Variants in COL25A1 observed in about 807,000 individuals in gnomAD.
COL25A1 encodes the protein collagen type XXV alpha 1 chain.
A neutral mutation model predicts 128.4 loss-of-function variants in COL25A1; 103 were observed. The ratio of observed to expected loss-of-function variants is 0.80; its 90% confidence interval spans 0.68 to 0.94. The LOEUF is 0.94. COL25A1 is among the 40% of genes least tolerant of loss of function. The pLI is 0.00. For synonymous variants in COL25A1, 279 were observed against 277.2 expected, an observed-to-expected ratio of 1.01 and a Z score of -0.06; for missense variants, 745 against 840.0, an observed-to-expected ratio of 0.89 and a Z score of 1.40.
Position 108,884,226 on chromosome 4 carries a change from C to T in COL25A1, c.976-4G>A. 1.2e-6 allele frequency: 2 copies of T among 1,613,042 alleles called. No homozygotes were observed. The highest frequency in any genetic ancestry group is 1.1e-5 in the South Asian group (1 of 91,052). ...GCCCAGGAAGCCCTGGTTCACCCTA[C>T]ACAGGAAAATCATATAGCATTATAG... is the stretch of plus-strand genomic sequence containing the variant. On this transcript the variant is annotated splice_polypyrimidine_tract_variant and splice_region_variant and intron_variant, in intron 18 of 37. Coordinates refer to ENST00000399132, the MANE Select transcript of COL25A1 (RefSeq NM_198721.4).
intron 19 of COL25A1, among the ~76,000 whole-genome samples, chr4:108,873,918 T>C (rs1221243732): frequency 2.9e-5 from 3 of 102,808 alleles, no homozygotes; most frequent in South Asian, 5.4e-4. Context: ...ATGAATGTAA[T>C]CTTAAAAAAA....
intron 3 of COL25A1, among the ~76,000 whole-genome samples, chr4:109,169,208 A>C (rs995895510): frequency 2.0e-5 from 3 of 152,152 alleles, no homozygotes; most frequent in African/African-American, 7.2e-5. Context: ...TTTTCTGCCC[A>C]TATGTGCTCC....
At chr4:108,815,122 A>G (rs1046566237) in intron 37 of COL25A1, among the ~76,000 whole-genome samples, 1 of 152,154 alleles carries the variant, frequency 6.6e-6, no homozygotes, top group African/African-American at 2.4e-5. Context: ...AAATGGAACT[A>G]TATCTAGAAA....
intron 3 of COL25A1, among the ~76,000 whole-genome samples, chr4:109,089,259 C>T (rs1418384898): frequency 6.6e-6 from 1 of 152,220 alleles, no homozygotes; most frequent in East Asian, 1.9e-4. Context: ...GCAAAATGAT[C>T]AGGTTATTTC....
At chr4:108,901,738 T>C (rs1221177146) in intron 13 of COL25A1, among the ~76,000 whole-genome samples, 3 of 152,122 alleles carry the variant, frequency 2.0e-5, no homozygotes, top group Non-Finnish European at 4.4e-5. Flanking sequence ...GAATAAAACA[T>C]TCAGACTTAT....
intron 26 of COL25A1, 108 bp downstream of exon 26, chr4:108,852,128 C>T: frequency 1.2e-6 from 1 of 859,012 alleles, no homozygotes; most frequent in Non-Finnish European, 1.9e-6. Flanking sequence ...TACTGTTGAT[C>T]TCAGCTTCTT....
chr4:109,250,189 T>C (rs186228462), intron 3 of COL25A1, among the ~76,000 whole-genome samples: 1 of 152,278 alleles, frequency 6.6e-6, no homozygotes, highest in East Asian at 1.9e-4. Flanking sequence ...GTCAGCTTGA[T>C]AGATTTGCTA....
At chr4:109,171,405 G>C (rs1305802064) in intron 3 of COL25A1, among the ~76,000 whole-genome samples, 1 of 152,144 alleles carries the variant, frequency 6.6e-6, no homozygotes, top group Non-Finnish European at 1.5e-5. Context: ...GGTCATGAGG[G>C]TGGAATTCAC....
chr4:109,001,796 A>G (rs1755440274), intron 6 of COL25A1, among the ~76,000 whole-genome samples: 1 of 152,178 alleles, frequency 6.6e-6, no homozygotes, highest in Admixed American at 6.5e-5. Context: ...CCAGAGCAGG[A>G]TTTGCAGGTG....
chr4:108,827,137 G>A lies in COL25A1; in HGVS notation c.1762C>T (p.Pro588Ser). 6.2e-7 allele frequency: 1 copy of A among 1,613,610 alleles called. No homozygotes were observed. Residue 588 changes from proline (P) to serine (S), a missense_variant and splice_region_variant, in exon 33 of 38, where the codon CCT becomes TCT. Physicochemically the swap from Pro to Ser is moderately conservative, Grantham distance 74. Coordinates refer to ENST00000399132, the MANE Select transcript of COL25A1 (RefSeq NM_198721.4). ...EPGPRGPYGL[P>S]GKDGEPGLDG... ...GGTGCATGTGACCAGGAACTCACAG[G>A]CAGCCCATAGGGCCCTCTTGGTCCA...
At chr4:108,931,915 C>T (rs1339333924) in intron 11 of COL25A1, among the ~76,000 whole-genome samples, 3 of 152,196 alleles carry the variant, frequency 2.0e-5, no homozygotes, top group African/African-American at 7.2e-5. Context: ...GCTGATAAAG[C>T]ATTAGAATGG....
intron 3 of COL25A1, among the ~76,000 whole-genome samples, chr4:109,195,667 A>G (rs1008344252): frequency 3.9e-5 from 6 of 152,100 alleles, no homozygotes; most frequent in African/African-American, 1.2e-4. Flanking sequence ...ACTAAAATGT[A>G]CTCTTTCCCA....
At chr4:109,057,964 A>T (rs1761603806) in intron 3 of COL25A1, among the ~76,000 whole-genome samples, 1 of 152,206 alleles carries the variant, frequency 6.6e-6, no homozygotes, top group South Asian at 2.1e-4. Flanking sequence ...CAATAAAAGA[A>T]ATGGATTTCC....
chr4:108,862,323 C>T (rs1275836851), intron 22 of COL25A1, among the ~76,000 whole-genome samples, 178 bp downstream of exon 22: 3 of 152,230 alleles, frequency 2.0e-5, no homozygotes, highest in South Asian at 2.1e-4. Flanking sequence ...ATGAAACAAA[C>T]GTATTGTTTT....
chr4:109,026,841 G>A (rs953312078), intron 5 of COL25A1, among the ~76,000 whole-genome samples: 2 of 152,170 alleles, frequency 1.3e-5, no homozygotes, highest in African/African-American at 4.8e-5. Flanking sequence ...AGGAAGTGGA[G>A]TCAGAGAAGA....
chr4:108,907,582 G>A (rs1024710782), intron 13 of COL25A1, among the ~76,000 whole-genome samples: 1 of 152,100 alleles, frequency 6.6e-6, no homozygotes, highest in African/African-American at 2.4e-5. Flanking sequence ...TTAGTGAAAG[G>A]AGCCAAGCCA....
chr4:109,127,111 T>C (rs985069096), intron 3 of COL25A1, among the ~76,000 whole-genome samples: 3 of 152,228 alleles, frequency 2.0e-5, no homozygotes, highest in Non-Finnish European at 4.4e-5. Context: ...TTAAAAAGCT[T>C]AAAGAATTAT....
intron 6 of COL25A1, among the ~76,000 whole-genome samples, chr4:108,984,911 C>T (rs760281049): frequency 5.9e-4 from 90 of 152,368 alleles, no homozygotes; most frequent in Non-Finnish European, 1.2e-3. Flanking sequence ...ATGCTGTCAC[C>T]TCTCAGTATG....
In COL25A1 at chr4:108,872,691, TACAC is replaced by T. The variant is rs34351573; in HGVS notation, c.1021-3545_1021-3542del. Among the ~76,000 whole-genome samples the T allele has an allele frequency of 1.8e-4, 27 of 150,958 alleles. 1 individual carries two copies. Among genetic ancestry groups the T allele is most frequent in the Admixed American group, 5.9e-4 (9 of 15,144 alleles). On this transcript the variant is annotated intron_variant, in intron 19 of 37. Transcript: ENST00000399132. The stretch of plus-strand genomic sequence containing the variant: ...TCAGGCATTAGATTTGATATATATA[TACAC>T]ACACACACACACATATACATATATA...
Sources: gnomAD v4.1 joint callset for allele counts (sites outside exome capture counted in the v4.1 genomes callset) on GRCh38, gnomAD v4.1.1 for gene constraint, MANE v1.5 for transcripts, NCBI Gene and HGNC (gene_info 2026-07-23, HGNC 2026-07-21) for gene names.